The following PDE4D variants were observed in gnomAD, a reference collection of about 807,000 sequenced individuals.
PDE4D encodes the protein phosphodiesterase 4D, also known as 3',5'-cyclic-AMP phosphodiesterase 4D.
Under a neutral mutation model 87.4 loss-of-function variants are expected in PDE4D, and 24 were observed. That is an observed-to-expected ratio of 0.27 (90% CI 0.20 to 0.39). The LOEUF is 0.39. Ranked by LOEUF, PDE4D falls within the 10% of genes least tolerant of loss-of-function variation. The pLI, the probability that PDE4D is intolerant of heterozygous loss-of-function variation, is 1.00. For missense variants in PDE4D, 714 were observed against 1,041.0 expected, an observed-to-expected ratio of 0.69 and a Z score of 4.32; for synonymous variants, 384 against 383.2, an observed-to-expected ratio of 1.00 and a Z score of -0.02.
At chr5:60,451,992 C>A (rs1166398226) in intron 1 of PDE4D, among the ~76,000 whole-genome samples, 1 of 152,014 alleles carries the variant, frequency 6.6e-6, no homozygotes, top group Non-Finnish European at 1.5e-5. Flanking sequence ...GGAAAAGTGA[C>A]CAAATAGTTT....
intron 2 of PDE4D, among the ~76,000 whole-genome samples, chr5:60,067,598 AT>A (rs1340107163): frequency 2.0e-5 from 3 of 152,134 alleles, no homozygotes; most frequent in African/African-American, 7.2e-5. Context: ...TAACAAATGC[AT>A]ATGTGTACAA....
chr5:59,654,916 T>C (rs991361057), intron 1 of PDE4D, among the ~76,000 whole-genome samples: 3 of 152,204 alleles, frequency 2.0e-5, no homozygotes, highest in Non-Finnish European at 4.4e-5. Context: ...TGTTGAATAA[T>C]ATTCCATTGT....
chr5:59,965,597 A>C (rs1025108671), intron 3 of PDE4D, among the ~76,000 whole-genome samples: 4 of 152,186 alleles, frequency 2.6e-5, no homozygotes, highest in African/African-American at 9.7e-5. Flanking sequence ...TGGTGAATGA[A>C]GGAACCAATG....
intron 2 of PDE4D, among the ~76,000 whole-genome samples, chr5:60,079,145 G>C (rs1053927492): frequency 3.3e-5 from 5 of 152,126 alleles, no homozygotes; most frequent in Non-Finnish European, 7.3e-5. Context: ...CCATGACATT[G>C]AGCTTTTTTC....
At chr5:59,154,119 A>G (rs964810575) in intron 5 of PDE4D, among the ~76,000 whole-genome samples, 1 of 152,198 alleles carries the variant, frequency 6.6e-6, no homozygotes, top group Non-Finnish European at 1.5e-5. Flanking sequence ...ATCTGATTTT[A>G]TCATGGATGA....
chr5:59,768,374 C>A (rs756937739), intron 1 of PDE4D: 130 of 1,598,254 alleles, frequency 8.1e-5, no homozygotes, highest in Non-Finnish European at 3.4e-5. Flanking sequence ...GATTTCCTCG[C>A]TGTCTTGGAC....
intron 1 of PDE4D, among the ~76,000 whole-genome samples, chr5:59,870,886 G>C (rs552176982): frequency 1.5e-4 from 23 of 152,312 alleles, no homozygotes; most frequent in Middle Eastern, 3.4e-3. Flanking sequence ...ACTAATCCAA[G>C]TAAGAAGGCA....
chr5:59,445,760 T>C lies in PDE4D; in HGVS notation c.456-229792A>G, dbSNP rs1414189981. Among the ~76,000 whole-genome samples, 5 of 152,188 alleles carry C rather than the reference T, an allele frequency of 3.3e-5. No individual in the cohort carries two copies. The East Asian group carries it at 9.6e-4, about 29-fold the overall frequency. On this transcript the variant is annotated intron_variant, in intron 1 of 14. Transcript: ENST00000340635. ...TATATAGAATTTATTTATTTATTTATTTACCTACCTATATGGGGAAACAGG... is the reference window on the plus strand; with the variant it reads ...TATATAGAATTTATTTATTTATTTACTTACCTACCTATATGGGGAAACAGG...
chr5:59,602,076 T>C (rs1827588661), intron 1 of PDE4D, among the ~76,000 whole-genome samples: 1 of 152,026 alleles, frequency 6.6e-6, no homozygotes, highest in Non-Finnish European at 1.5e-5. Context: ...TTCACCATGA[T>C]CAAGTGGGAT....
chr5:59,726,937 A>C (rs1178513523), intron 1 of PDE4D, among the ~76,000 whole-genome samples: 1 of 152,088 alleles, frequency 6.6e-6, no homozygotes, highest in Admixed American at 6.6e-5. Flanking sequence ...AGCGCCTGCT[A>C]TGTGCCAGGC....
At chr5:59,569,800 C>T (rs1216530300) in intron 1 of PDE4D, among the ~76,000 whole-genome samples, 1 of 152,142 alleles carries the variant, frequency 6.6e-6, no homozygotes, top group Non-Finnish European at 1.5e-5. Context: ...TGCTTCCTCT[C>T]TTGTCACTCT....
intron 1 of PDE4D, among the ~76,000 whole-genome samples, chr5:60,374,347 G>A (rs1014341201): frequency 2.0e-5 from 3 of 152,128 alleles, no homozygotes; most frequent in Admixed American, 1.3e-4. Context: ...AGAAAAAGGA[G>A]AGCAAAAAAG....
intron 1 of PDE4D, among the ~76,000 whole-genome samples, chr5:59,307,414 T>C (rs1475978186): frequency 6.6e-6 from 1 of 151,008 alleles, no homozygotes. Flanking sequence ...ACCATCAGAG[T>C]GAACAGGCAA....
chr5:58,976,306 T>TGC lies in PDE4D; in HGVS notation c.1830+42_1830+43dup, dbSNP rs753757218. 5.6e-6 allele frequency: 9 copies of TGC among 1,602,162 alleles called. No individual in the cohort carries two copies. The South Asian group carries it at 7.9e-5, about 14-fold the overall frequency. Reference sequence around the variant, plus strand: ...CTGAACACGCAGACATGTGCACATGTGCACAGACACACACACACAGAGCAA... The same window carrying TGC: ...CTGAACACGCAGACATGTGCACATGTGCGCACAGACACACACACACAGAGCAA... On this transcript the variant is annotated intron_variant, in intron 13 of 14. Coordinates refer to ENST00000340635, the MANE Select transcript of PDE4D (RefSeq NM_001104631.2).
intron 1 of PDE4D, among the ~76,000 whole-genome samples, chr5:59,753,044 G>C (rs1041823470): frequency 6.6e-6 from 1 of 152,152 alleles, no homozygotes; most frequent in Admixed American, 6.5e-5. Context: ...CCGTGGTAGG[G>C]TTGAATAGTT....
At chr5:59,356,383 C>A (rs181981170) in intron 1 of PDE4D, among the ~76,000 whole-genome samples, 1 of 152,140 alleles carries the variant, frequency 6.6e-6, no homozygotes, top group Non-Finnish European at 1.5e-5. Context: ...TGCCCTGAAA[C>A]ACTTATGAAG....
intron 3 of PDE4D, among the ~76,000 whole-genome samples, chr5:59,947,709 G>A (rs79043591): frequency 0.013 from 2,045 of 152,254 alleles, 55 homozygotes; most frequent in African/African-American, 0.047. Flanking sequence ...ACAAGGATAT[G>A]CTAGGTTGGC....
chr5:60,365,471 T>TA lies in PDE4D; in HGVS notation c.-90+122470dup, dbSNP rs57230106. On this transcript the variant is annotated intron_variant, in intron 1 of 16. Coordinates refer to the PDE4D transcript ENST00000502484. ...GTCCCTACCACTCCTTACGGTTTTTTAAATCTCTCTCTGCATCATTCATTT... is the reference window on the plus strand; with the variant it reads ...GTCCCTACCACTCCTTACGGTTTTTTAAAATCTCTCTCTGCATCATTCATTT... Among the ~76,000 whole-genome samples the TA allele has an allele frequency of 2.4e-3, 358 of 152,320 alleles. 14 individuals are homozygous for TA. In the East Asian group the frequency reaches 0.055, roughly 24 times the overall value.
intron 3 of PDE4D, among the ~76,000 whole-genome samples, chr5:59,904,066 A>G (rs1581676845): frequency 6.6e-6 from 1 of 152,264 alleles, no homozygotes; most frequent in East Asian, 1.9e-4. Context: ...AAAGTAATCC[A>G]TTTCATGCAC....
Sources: allele counts gnomAD v4.1 joint callset (sites outside exome capture counted in the v4.1 genomes callset), GRCh38; gene constraint gnomAD v4.1.1; transcripts MANE v1.5; gene names NCBI Gene and HGNC (gene_info 2026-07-23, HGNC 2026-07-21).